The following NRXN1 variants were observed in gnomAD, a reference collection of about 807,000 sequenced individuals.
The protein encoded by NRXN1 is neurexin-1.
A neutral mutation model predicts 150.9 loss-of-function variants in NRXN1; 39 were observed. The observed-to-expected ratio is 0.26, with a 90% CI of 0.20 to 0.34. The LOEUF (loss-of-function observed/expected upper bound fraction) is 0.34. Ranked by LOEUF, NRXN1 falls within the 10% of genes least tolerant of loss-of-function variation. The pLI, the probability that NRXN1 is intolerant of heterozygous loss-of-function variation, is 1.00. For synonymous variants in NRXN1, 924 were observed against 757.0 expected (o/e 1.22, Z -3.62); for missense variants, 1,815 against 1,949.9 (o/e 0.93, Z 1.30).
chr2:50,843,957 G>A (rs1673241633), intron 5 of NRXN1, among the ~76,000 whole-genome samples: 1 of 151,868 alleles, frequency 6.6e-6, no homozygotes. Context: ...ACTTCCAACT[G>A]TCAATTTATT....
intron 17 of NRXN1, among the ~76,000 whole-genome samples, chr2:50,237,460 C>T (rs1420300139): frequency 6.6e-6 from 1 of 151,924 alleles, no homozygotes; most frequent in African/African-American, 2.4e-5. Flanking sequence ...AAAGGATCTA[C>T]TTACATGTGA....
At chr2:49,979,223 G>A (rs1357842055) in intron 21 of NRXN1, among the ~76,000 whole-genome samples, 1 of 152,156 alleles carries the variant, frequency 6.6e-6, no homozygotes, top group Non-Finnish European at 1.5e-5. Flanking sequence ...CTTGAACCCA[G>A]GAGGTGGAGG....
intron 19 of NRXN1, among the ~76,000 whole-genome samples, chr2:50,085,685 A>G (rs1416581292): frequency 4.5e-5 from 1 of 22,350 alleles, no homozygotes; most frequent in Non-Finnish European, 7.2e-5. Flanking sequence ...TTTATCATAT[A>G]AATTATAAAT....
At chr2:50,627,895 A>T (rs553849485) in intron 5 of NRXN1, among the ~76,000 whole-genome samples, 52 of 151,930 alleles carry the variant, frequency 3.4e-4, no homozygotes, top group African/African-American at 1.1e-3. Context: ...GTCAGACAGA[A>T]GTGATATATA....
At chr2:51,027,428 T>G (rs1670681844) in intron 2 of NRXN1, 74 bp downstream of exon 2, 2 of 1,415,474 alleles carry the variant, frequency 1.4e-6, no homozygotes, top group East Asian at 5.1e-5. Flanking sequence ...GAAGACCCCA[T>G]GCACCAGCCC....
At chr2:50,086,830 G>T (rs1234235584) in intron 19 of NRXN1, among the ~76,000 whole-genome samples, 1 of 147,670 alleles carries the variant, frequency 6.8e-6, no homozygotes, top group African/African-American at 2.7e-5. Flanking sequence ...ATGAGAGAGA[G>T]AGAGAGAGAG....
intron 19 of NRXN1, among the ~76,000 whole-genome samples, chr2:50,072,334 C>T (rs1377235): frequency 0.6 from 90,564 of 151,870 alleles, 27,374 homozygotes; most frequent in Middle Eastern, 0.67. Flanking sequence ...AAGACAAATC[C>T]TTACTTATGT....
chr2:50,983,125 A>T (rs1476060697), intron 2 of NRXN1, among the ~76,000 whole-genome samples: 1 of 152,116 alleles, frequency 6.6e-6, no homozygotes, highest in Admixed American at 6.6e-5. Context: ...AAATCACAGA[A>T]GATTTACTAA....
At chr2:50,141,424 AG>A (rs1242586613) in intron 18 of NRXN1, among the ~76,000 whole-genome samples, 1 of 152,130 alleles carries the variant, frequency 6.6e-6, no homozygotes, top group Non-Finnish European at 1.5e-5. Flanking sequence ...CTAAGTCCTC[AG>A]AAACACAGGG....
intron 22 of NRXN1, among the ~76,000 whole-genome samples, chr2:49,942,614 T>TATTATTATTTTATTA: frequency 6.7e-6 from 1 of 148,928 alleles, no homozygotes; most frequent in East Asian, 2.0e-4. Context: ...TTATTATTAT[T>TATTATTATTTTATTA]TTATTATTAT....
chr2:50,078,769 T>C (rs1697471780), intron 19 of NRXN1, among the ~76,000 whole-genome samples: 1 of 152,104 alleles, frequency 6.6e-6, no homozygotes, highest in African/African-American at 2.4e-5. Flanking sequence ...GAGCCTTTCT[T>C]AGCATGAAGG....
At chr2:51,004,762 G>A (rs1383192974) in intron 2 of NRXN1, among the ~76,000 whole-genome samples, 1 of 151,988 alleles carries the variant, frequency 6.6e-6, no homozygotes, top group Non-Finnish European at 1.5e-5. Flanking sequence ...TCAAGGAGGG[G>A]AATGCCCAGT....
In NRXN1 at chr2:50,538,648, AGAG is replaced by A. The variant is rs1255783166; in HGVS notation, c.1760-15_1760-13del. The A allele has an allele frequency of 2.1e-5, 31 of 1,473,704 alleles. No homozygotes were observed. The highest frequency in any genetic ancestry group is 2.5e-5 in the Non-Finnish European group (28 of 1,109,594). 91.3% of individuals were successfully genotyped at this position (1,473,704 alleles called of 1,614,324 possible). A position where few individuals can be genotyped will look rare whatever the true frequency, so the allele number is the denominator to read the frequency against. ...GACAGAAATGGTACCTATTTCAAAG[AGAG>A]GAGAATGCACAGGTCTTTAAAAAGC... is the stretch of plus-strand genomic sequence containing the variant. On this transcript the variant is annotated splice_polypyrimidine_tract_variant and intron_variant, in intron 9 of 22. Coordinates refer to ENST00000401669, the MANE Select transcript of NRXN1 (RefSeq NM_001330078.2).
At chr2:50,049,697 C>T (rs1692396946) in intron 21 of NRXN1, among the ~76,000 whole-genome samples, 1 of 152,018 alleles carries the variant, frequency 6.6e-6, no homozygotes, top group South Asian at 2.1e-4. Flanking sequence ...TGTGGACAGG[C>T]AAAGGAAGGA....
intron 18 of NRXN1, among the ~76,000 whole-genome samples, chr2:50,154,400 T>G (rs547476193): frequency 6.6e-6 from 1 of 151,730 alleles, no homozygotes; most frequent in South Asian, 2.1e-4. Flanking sequence ...TGGAAAAAAT[T>G]AAGAAGCATG....
In NRXN1 at chr2:50,155,920, T is replaced by C. The variant is rs1005986974; in HGVS notation, c.3547-64426A>G. 2.0e-5 allele frequency among the ~76,000 whole-genome samples: 3 copies of C among 151,686 alleles called. No individual in the cohort carries two copies. In the South Asian group the frequency reaches 6.2e-4, roughly 31 times the overall value. ...TTGTAAATTTGTACAAAAAGTAGAA[T>C]GTTCTTAAAAAAGTAGAAATTTATT... On this transcript the variant is annotated intron_variant, in intron 18 of 22. Transcript: ENST00000401669.
intron 5 of NRXN1, among the ~76,000 whole-genome samples, chr2:50,630,233 C>T (rs573915701): frequency 1.3e-5 from 2 of 151,604 alleles, no homozygotes; most frequent in South Asian, 4.2e-4. Flanking sequence ...AAAAGTTAAC[C>T]ATTACTGAAC....
intron 15 of NRXN1, among the ~76,000 whole-genome samples, chr2:50,492,642 T>C (rs553060077): frequency 1.8e-4 from 27 of 152,336 alleles, no homozygotes; most frequent in African/African-American, 6.0e-4. Flanking sequence ...CTATGCAGCA[T>C]GTTTTGTGGC....
At chr2:50,320,989 T>A (rs569530081) in intron 17 of NRXN1, among the ~76,000 whole-genome samples, 3 of 152,214 alleles carry the variant, frequency 2.0e-5, no homozygotes, top group African/African-American at 7.2e-5. Context: ...GCAAATTAAG[T>A]CCTTGCCATC....
Sources: gnomAD v4.1 joint callset for allele counts (sites outside exome capture counted in the v4.1 genomes callset) on GRCh38, gnomAD v4.1.1 for gene constraint, MANE v1.5 for transcripts, NCBI Gene and HGNC (gene_info 2026-07-23, HGNC 2026-07-21) for gene names.